The following CDH19 variants were observed in gnomAD, a reference collection of about 807,000 sequenced individuals.
CDH19 encodes the protein cadherin 19.
CDH19 carries 67 observed loss-of-function variants against 64.2 expected under a neutral mutation model. The ratio of observed to expected loss-of-function variants is 1.04; its 90% CI spans 0.86 to 1.28. The LOEUF is 1.28. CDH19 is among the 50% of genes most tolerant of loss of function. The pLI, the probability that CDH19 is intolerant of heterozygous loss-of-function variation, is 0.00. For synonymous variants in CDH19, 346 were observed against 319.3 expected (o/e 1.08, Z -0.89); for missense variants, 1,030 against 929.0 (o/e 1.11, Z -1.41).
intron 9 of CDH19, among the ~76,000 whole-genome samples, chr18:66,517,069 G>C (rs1198913546): frequency 1.3e-5 from 2 of 152,086 alleles, no homozygotes; most frequent in Admixed American, 1.3e-4. Context: ...GGACATCTGA[G>C]TTGTTTTCTC....
At chr18:66,517,499 T>C (rs1298945475) in intron 9 of CDH19, among the ~76,000 whole-genome samples, 1 of 152,060 alleles carries the variant, frequency 6.6e-6, no homozygotes, top group Non-Finnish European at 1.5e-5. Context: ...TGCTGAAAAT[T>C]CTCTCCTACT....
Position 66,588,942 on chromosome 18 carries a change from G to T in CDH19, c.-113+15012C>A, listed in dbSNP as rs996777935. Among the ~76,000 whole-genome samples, 21 of 151,386 alleles carry T rather than the reference G, an allele frequency of 1.4e-4. No homozygotes were observed. In the East Asian group the frequency reaches 3.7e-3, roughly 27 times the overall value. On this transcript the variant is annotated intron_variant, in intron 1 of 11. Transcript: ENST00000262150. ...AGAAAGCAGAGAATAAACAAATAAT[G>T]CTTCCTACTTCCAACAATAATAACA... is the stretch of plus-strand genomic sequence containing the variant.
chr18:66,542,686 C>T lies in CDH19; in HGVS notation c.1214+1285G>A, dbSNP rs553243773. On this transcript the variant is annotated intron_variant, in intron 7 of 11. Coordinates refer to ENST00000262150, the MANE Select transcript of CDH19 (RefSeq NM_021153.4). ...AGGCCATGAACAGCAGGCCATGAAC[C>T]TGTCCATGGCCTGTAGGTGAGGGCA... Among the ~76,000 whole-genome samples, 51 of 152,272 alleles carry T rather than the reference C, an allele frequency of 3.3e-4. 1 individual carries two copies. The East Asian group carries it at 3.5e-3, about 10-fold the overall frequency.
At chr18:66,577,545 AC>A (rs1011403481) in intron 1 of CDH19, among the ~76,000 whole-genome samples, 1 of 152,004 alleles carries the variant, frequency 6.6e-6, no homozygotes, top group African/African-American at 2.4e-5. Flanking sequence ...TCCATACTTT[AC>A]CGTGCATGAG....
intron 1 of CDH19, among the ~76,000 whole-genome samples, chr18:66,602,172 C>G (rs1989052993): frequency 6.6e-6 from 1 of 151,914 alleles, no homozygotes; most frequent in Non-Finnish European, 1.5e-5. Context: ...TCAATATCTC[C>G]TTTTAAACAG....
intron 10 of CDH19, among the ~76,000 whole-genome samples, chr18:66,509,652 C>T (rs1439071417): frequency 1.3e-5 from 2 of 151,582 alleles, no homozygotes; most frequent in Non-Finnish European, 2.9e-5. Flanking sequence ...TTTATAGGGA[C>T]TACCAATATG....
chr18:66,595,762 A>ACTGAAACTATTT (rs1449484356), intron 1 of CDH19, among the ~76,000 whole-genome samples: 2 of 152,154 alleles, frequency 1.3e-5, no homozygotes, highest in African/African-American at 4.8e-5. Flanking sequence ...TATCAATTTT[A>ACTGAAACTATTT]CTGAAACTAT....
intron 3 of CDH19, 81 bp downstream of exon 3, chr18:66,568,335 A>G (rs539548833): frequency 2.6e-5 from 28 of 1,083,184 alleles, no homozygotes; most frequent in Middle Eastern, 4.2e-4. Flanking sequence ...CCCTTAAATC[A>G]TCTACTTCCA....
At chr18:66,600,418 C>T (rs1989008882) in intron 1 of CDH19, among the ~76,000 whole-genome samples, 1 of 151,596 alleles carries the variant, frequency 6.6e-6, no homozygotes, top group Non-Finnish European at 1.5e-5. Context: ...AAGTCTATTG[C>T]TTTTTCCTTT....
At chr18:66,545,926 T>C (rs1211953326) in intron 5 of CDH19, among the ~76,000 whole-genome samples, 2 of 148,212 alleles carry the variant, frequency 1.3e-5, no homozygotes, top group Non-Finnish European at 3.0e-5. Flanking sequence ...AATACATAAA[T>C]ATAACTACAA....
chr18:66,517,338 C>T (rs967749997), intron 9 of CDH19, among the ~76,000 whole-genome samples: 7 of 151,630 alleles, frequency 4.6e-5, no homozygotes, highest in African/African-American at 7.3e-5. Flanking sequence ...TGAAAATTAT[C>T]GATATTATAC....
At chr18:66,594,964 C>T (rs1458445083) in intron 1 of CDH19, among the ~76,000 whole-genome samples, 7 of 150,720 alleles carry the variant, frequency 4.6e-5, no homozygotes, top group Non-Finnish European at 5.9e-5. Context: ...ATGTAACTAA[C>T]CTGCATATTG....
chr18:66,551,108 G>A lies in CDH19; in HGVS notation c.761C>T (p.Pro254Leu). Reference protein sequence around the residue: ...IKLSDVNDNKPIFKESLYRLT... With the variant: ...IKLSDVNDNKLIFKESLYRLT... ...TTTTTACTTACTTTCTTTAAATATA[G>A]GCTTATTGTCATTAACATCTGAAAG... is the stretch of plus-strand genomic sequence containing the variant. Residue 254 changes from proline (P) to leucine (L), a missense_variant, in exon 5 of 12, where the codon CCT (proline) becomes CTT (leucine). Coordinates refer to ENST00000262150, the MANE Select transcript of CDH19 (RefSeq NM_021153.4). The A allele has an allele frequency of 6.3e-7, 1 of 1,587,062 alleles. No individual in the cohort carries two copies. The highest frequency in any genetic ancestry group is 8.6e-7 in the Non-Finnish European group (1 of 1,157,186).
At chr18:66,595,696 C>G (rs184256054) in intron 1 of CDH19, among the ~76,000 whole-genome samples, 3 of 152,014 alleles carry the variant, frequency 2.0e-5, no homozygotes, top group African/African-American at 4.8e-5. Context: ...AAGGAAAAGC[C>G]TTGGACTAGA....
chr18:66,562,532 G>T (rs1328487897), intron 3 of CDH19, among the ~76,000 whole-genome samples: 1 of 152,038 alleles, frequency 6.6e-6, no homozygotes, highest in Admixed American at 6.6e-5. Context: ...ACCTCCTGCT[G>T]TGCAGCCCGG....
intron 1 of CDH19, among the ~76,000 whole-genome samples, chr18:66,591,141 C>T (rs183787494): frequency 1.3e-5 from 2 of 151,702 alleles, no homozygotes; most frequent in Non-Finnish European, 2.9e-5. Flanking sequence ...AGCTGCAAGA[C>T]GATTTAATAA....
chr18:66,560,545 G>A (rs1987681495), intron 3 of CDH19, among the ~76,000 whole-genome samples: 1 of 151,760 alleles, frequency 6.6e-6, no homozygotes, highest in Admixed American at 6.6e-5. Context: ...GAAAAATAGA[G>A]GGGGAAAAGC....
chr18:66,545,271 C>T (rs1312194147), intron 5 of CDH19, among the ~76,000 whole-genome samples: 1 of 152,066 alleles, frequency 6.6e-6, no homozygotes, highest in Non-Finnish European at 1.5e-5. Context: ...AGCCACCGTG[C>T]CGGGTCGCAA....
At chr18:66,522,385 A>AGCATTCGC (rs1423429190) in intron 9 of CDH19, among the ~76,000 whole-genome samples, 8 of 152,080 alleles carry the variant, frequency 5.3e-5, no homozygotes, top group African/African-American at 1.9e-4. Flanking sequence ...TGGGTTTACA[A>AGCATTCGC]GCATTCGCCC....
Sources: allele counts gnomAD v4.1 joint callset (sites outside exome capture counted in the v4.1 genomes callset), GRCh38; gene constraint gnomAD v4.1.1; transcripts MANE v1.5; gene names NCBI Gene and HGNC (gene_info 2026-07-23, HGNC 2026-07-21).